PATJ: variants seen among roughly 807,000 people sequenced by gnomAD.
PATJ encodes inaD-like protein.
PATJ carries 190 observed loss-of-function variants against 224.9 expected under a neutral mutation model. The ratio of observed to expected loss-of-function variants is 0.84; its 90% CI spans 0.75 to 0.95. The LOEUF (loss-of-function observed/expected upper bound fraction) is 0.95. Ranked by LOEUF, PATJ falls within the 40% of genes least tolerant of loss-of-function variation. The pLI is 0.00. For synonymous variants in PATJ, 769 were observed against 820.3 expected, an observed-to-expected ratio of 0.94 and a Z score of 1.07; for missense variants, 2,121 against 2,270.3, an observed-to-expected ratio of 0.93 and a Z score of 1.34.
rs377489788 is a variant in PATJ, at chr1:62,144,777, A to AAATATAT, written c.5272-3506_5272-3505insATATATA. Among the ~76,000 whole-genome samples the AAATATAT allele has an allele frequency of 8.7e-3, 1,036 of 119,078 alleles. 20 individuals are homozygous for AAATATAT. Among genetic ancestry groups the AAATATAT allele is most frequent in the Non-Finnish European group, 9.9e-3 (598 of 60,324 alleles). 78.1% of individuals were successfully genotyped at this position (119,078 alleles called of 152,430 possible). On this transcript the variant is annotated intron_variant, in intron 41 of 43. Coordinates refer to ENST00000642238, the MANE Select transcript of PATJ (RefSeq NM_001350145.3). ...TAGAATGTTATTTGCAAAAAAAAAAAATATATATATATATATATAATTAGC... is the reference window on the plus strand; with the variant it reads ...TAGAATGTTATTTGCAAAAAAAAAAAAATATATATATATATATATATATATAATTAGC...
Position 62,038,035 on chromosome 1 carries a change from C to G in PATJ, c.4018C>G (p.Pro1340Ala). 3 of 1,593,416 alleles carry G rather than the reference C, an allele frequency of 1.9e-6. No homozygotes were observed. Among genetic ancestry groups the G allele is most frequent in the Non-Finnish European group, 2.6e-6 (3 of 1,167,390 alleles). ...VTPFPVPSSS[P>A]SSIEDQSGTE... is the part of the protein sequence containing the mutation. ...TCCCTTTCCAGTGCCATCAAGTTCT[C>G]CATCTTCTATTGAGGTAAGGTTGTT... The change falls in exon 30 of 44, where the codon CCA becomes GCA. Residue 1340 changes from proline (P) to alanine (A), a missense_variant. By Grantham distance (27) the Pro-to-Ala change is conservative (BLOSUM62 -1). Coordinates refer to ENST00000642238, the MANE Select transcript of PATJ (RefSeq NM_001350145.3).
chr1:61,935,643 T>G (rs1676736731), intron 27 of PATJ, among the ~76,000 whole-genome samples: 1 of 152,054 alleles, frequency 6.6e-6, no homozygotes, highest in Admixed American at 6.6e-5. Flanking sequence ...ACAAAAGAAT[T>G]AACTGGGTGT....
At position 62,037,984 on chromosome 1, in the gene PATJ, G is replaced by A. The variant is rs747751434; in HGVS notation, c.3967G>A (p.Asp1323Asn). 2 of 1,604,132 alleles carry A rather than the reference G, an allele frequency of 1.2e-6. No homozygotes were observed. Among genetic ancestry groups the A allele is most frequent in the Admixed American group, 3.4e-5 (2 of 59,388 alleles). The change falls in exon 30 of 44, where the codon GAT (aspartate) becomes AAT (asparagine). Residue 1323 changes from aspartate (D) to asparagine (N), a missense_variant. Transcript: ENST00000642238. Reference protein sequence around the residue: ...KVKLVFIRNEDAVNQMAVTPF... With the variant: ...KVKLVFIRNENAVNQMAVTPF... Reference sequence around the variant, plus strand: ...TATTTTAACACTTCACAGAAACGAGGATGCAGTCAATCAGATGGCCGTTAC... The same window carrying A: ...TATTTTAACACTTCACAGAAACGAGAATGCAGTCAATCAGATGGCCGTTAC...
At chr1:61,978,805 T>C (rs780284377) in intron 27 of PATJ, among the ~76,000 whole-genome samples, 1 of 152,084 alleles carries the variant, frequency 6.6e-6, no homozygotes, top group Non-Finnish European at 1.5e-5. Flanking sequence ...GATAACTAAA[T>C]GTTTCTGAAA....
intron 29 of PATJ, among the ~76,000 whole-genome samples, chr1:62,036,705 A>G (rs558215382): frequency 1.3e-5 from 2 of 151,784 alleles, no homozygotes; most frequent in Non-Finnish European, 1.5e-5. Flanking sequence ...GGTATAAATT[A>G]AATAAAGAAT....
At chr1:61,995,463 A>G (rs1285331815) in intron 28 of PATJ, among the ~76,000 whole-genome samples, 1 of 152,204 alleles carries the variant, frequency 6.6e-6, no homozygotes, top group East Asian at 1.9e-4. Context: ...GAGGTTGAGC[A>G]TACATTGTGG....
chr1:61,825,652 G>T (rs1378930393), intron 15 of PATJ, among the ~76,000 whole-genome samples: 1 of 152,000 alleles, frequency 6.6e-6, no homozygotes, highest in African/African-American at 2.4e-5. Context: ...GTTGGTAATG[G>T]GAAATGAGAC....
At chr1:61,967,021 A>T (rs1207119074) in intron 27 of PATJ, among the ~76,000 whole-genome samples, 1 of 152,098 alleles carries the variant, frequency 6.6e-6, no homozygotes, top group Non-Finnish European at 1.5e-5. Context: ...GACCTGTCTC[A>T]TCCTGTGACT....
intron 26 of PATJ, among the ~76,000 whole-genome samples, chr1:61,916,795 A>G (rs1673508810): frequency 6.6e-6 from 1 of 152,158 alleles, no homozygotes; most frequent in African/African-American, 2.4e-5. Context: ...TCTTCTTTCA[A>G]AGATAGTTTT....
intron 16 of PATJ, among the ~76,000 whole-genome samples, chr1:61,830,716 A>G (rs1428781001): frequency 2.6e-5 from 4 of 152,198 alleles, no homozygotes; most frequent in Admixed American, 2.6e-4. Flanking sequence ...AAGAACCTAG[A>G]AATAAAGGTG....
intron 16 of PATJ, 110 bp from the exon 17 acceptor site, chr1:61,833,544 C>T (rs1659691048): frequency 9.3e-7 from 1 of 1,076,842 alleles, no homozygotes; most frequent in Non-Finnish European, 1.3e-6. Context: ...ACTACGCATG[C>T]CAAAGAGAAT....
chr1:61,882,207 G>T (rs1196189745), intron 21 of PATJ, among the ~76,000 whole-genome samples: 1 of 152,104 alleles, frequency 6.6e-6, no homozygotes, highest in African/African-American at 2.4e-5. Flanking sequence ...AAGAAATAGA[G>T]AATGTTTGAG....
At chr1:62,145,067 G>GC (rs1667908183) in intron 41 of PATJ, among the ~76,000 whole-genome samples, 1 of 151,888 alleles carries the variant, frequency 6.6e-6, no homozygotes, top group African/African-American at 2.4e-5. Flanking sequence ...CGCCCACCTC[G>GC]GCTTCCAAAA....
chr1:61,839,639 A>T (rs1254972121), intron 17 of PATJ, among the ~76,000 whole-genome samples: 1 of 152,122 alleles, frequency 6.6e-6, no homozygotes, highest in African/African-American at 2.4e-5. Context: ...TGAACTTTGA[A>T]TAACCCCTCA....
intron 17 of PATJ, among the ~76,000 whole-genome samples, chr1:61,838,008 T>G (rs138011081): frequency 0.011 from 1,680 of 152,164 alleles, 27 homozygotes; most frequent in African/African-American, 0.039. Context: ...AAGTACAAAG[T>G]GTGAAAATTC....
At chr1:61,927,463 T>C (rs906063186) in intron 26 of PATJ, among the ~76,000 whole-genome samples, 10 of 152,210 alleles carry the variant, frequency 6.6e-5, no homozygotes, top group Non-Finnish European at 1.5e-4. Flanking sequence ...AGAGAAAGAA[T>C]GCACTCCTTT....
intron 28 of PATJ, among the ~76,000 whole-genome samples, chr1:61,996,565 G>A (rs1387988958): frequency 6.6e-6 from 1 of 152,014 alleles, no homozygotes; most frequent in East Asian, 1.9e-4. Context: ...GCAATTTTAT[G>A]AAGTGTGTTT....
At chr1:61,839,857 A>AT (rs1450357945) in intron 17 of PATJ, among the ~76,000 whole-genome samples, 2 of 152,004 alleles carry the variant, frequency 1.3e-5, no homozygotes, top group African/African-American at 2.4e-5. Context: ...TTGAAACACT[A>AT]TTTTTATCTC....
rs747934422 is a variant in PATJ at position 62,128,851 on chromosome 1, G to C, written c.5177G>C (p.Arg1726Pro). The change falls in exon 41 of 44, where the codon CGG (arginine) becomes CCG (proline). Residue 1726 changes from arginine to proline, a missense_variant. Physicochemically the swap from Arg to Pro is moderately radical, Grantham distance 103 (BLOSUM62 -2). Transcript: ENST00000642238. ...TTTTTGTACTTCCAGGTTGGAGATCGGATTGTCAGCATTAACGGGCAACCT... is the reference window on the plus strand; with the variant it reads ...TTTTTGTACTTCCAGGTTGGAGATCCGATTGTCAGCATTAACGGGCAACCT... Reference protein sequence around the residue: ...ARTQKLKVGDRIVSINGQPLD... With the variant: ...ARTQKLKVGDPIVSINGQPLD... 1.2e-6 allele frequency: 2 copies of C among 1,609,422 alleles called. No homozygotes were observed. Among genetic ancestry groups the C allele is most frequent in the African/African-American group, 1.3e-5 (1 of 75,000 alleles).
Sources: gnomAD v4.1 joint callset for allele counts (sites outside exome capture counted in the v4.1 genomes callset) on GRCh38, gnomAD v4.1.1 for gene constraint, MANE v1.5 for transcripts, NCBI Gene and HGNC (gene_info 2026-07-23, HGNC 2026-07-21) for gene names.